Variants in THSD7A observed in about 807,000 individuals in gnomAD.
THSD7A encodes thrombospondin type 1 domain containing 7A, also known as thrombospondin type-1 domain-containing protein 7A.
THSD7A carries 96 observed loss-of-function variants against 231.3 expected under a neutral mutation model. The ratio of observed to expected loss-of-function variants is 0.41; its 90% CI spans 0.35 to 0.49. THSD7A has a LOEUF of 0.49. Among genes scored for constraint, THSD7A ranks in the 20% least tolerant of loss-of-function variants. The pLI is 0.05. For synonymous variants in THSD7A, 940 were observed against 743.3 expected (o/e 1.26, Z -4.30); for missense variants, 2,290 against 2,070.2 (o/e 1.11, Z -2.06).
intron 1 of THSD7A, among the ~76,000 whole-genome samples, chr7:11,646,169 C>T (rs1370383896): frequency 6.6e-6 from 1 of 151,908 alleles, no homozygotes; most frequent in Non-Finnish European, 1.5e-5. Flanking sequence ...TACTAATAGC[C>T]TCAATATCTA....
intron 1 of THSD7A, among the ~76,000 whole-genome samples, chr7:11,728,429 T>C (rs937594619): frequency 6.6e-6 from 1 of 151,938 alleles, no homozygotes; most frequent in African/African-American, 2.4e-5. Flanking sequence ...CAAACAAATA[T>C]ATGACTTGAA....
chr7:11,547,389 G>C (rs375344271), intron 4 of THSD7A, among the ~76,000 whole-genome samples: 12 of 152,266 alleles, frequency 7.9e-5, no homozygotes, highest in African/African-American at 2.9e-4. Context: ...CCAACTGTAC[G>C]CTATCTTAAG....
intron 1 of THSD7A, among the ~76,000 whole-genome samples, chr7:11,795,700 C>T (rs907886814): frequency 4.0e-5 from 6 of 151,710 alleles, no homozygotes; most frequent in African/African-American, 7.3e-5. Flanking sequence ...TGCTCCCTTA[C>T]GCTTCTGCTT....
intron 6 of THSD7A, among the ~76,000 whole-genome samples, chr7:11,530,991 A>G (rs1271665541): frequency 6.6e-6 from 1 of 152,200 alleles, no homozygotes; most frequent in Non-Finnish European, 1.5e-5. Flanking sequence ...AGCCTGGGTG[A>G]CAGACCAAGA....
At chr7:11,717,441 C>T (rs559811798) in intron 1 of THSD7A, among the ~76,000 whole-genome samples, 1 of 151,808 alleles carries the variant, frequency 6.6e-6, no homozygotes, top group South Asian at 2.1e-4. Flanking sequence ...CCTCACCACT[C>T]CTACCACCAC....
In THSD7A at chr7:11,426,686, A is replaced by C. The variant is rs1179933377; in HGVS notation, c.3244-15T>G. 2 of 1,560,566 alleles carry C rather than the reference A, an allele frequency of 1.3e-6. No individual in the cohort carries two copies. The highest frequency in any genetic ancestry group is 2.3e-5 in the East Asian group (1 of 43,386). The stretch of plus-strand genomic sequence containing the variant: ...CTTACCTGTGCCTGGAGTGGTGTTC[A>C]ACAGGAATGATGAAAAGGGAGAGAA... On this transcript the variant is annotated splice_polypyrimidine_tract_variant and intron_variant, in intron 14 of 27. Transcript: ENST00000423059.
At chr7:11,731,475 T>C (rs1170170049) in intron 1 of THSD7A, among the ~76,000 whole-genome samples, 1 of 151,670 alleles carries the variant, frequency 6.6e-6, no homozygotes, top group Admixed American at 6.6e-5. Context: ...TTCCATAATG[T>C]CTCAGAGTTA....
At chr7:11,542,140 T>G (rs910087078) in intron 5 of THSD7A, among the ~76,000 whole-genome samples, 1 of 152,174 alleles carries the variant, frequency 6.6e-6, no homozygotes, top group African/African-American at 2.4e-5. Flanking sequence ...AGAAACAATC[T>G]CTTTGAGGTT....
At chr7:11,629,088 C>A (rs564476706) in intron 2 of THSD7A, among the ~76,000 whole-genome samples, 49 of 152,266 alleles carry the variant, frequency 3.2e-4, no homozygotes, top group Non-Finnish European at 4.4e-5. Context: ...TAGAGAAATT[C>A]AGCCAGGAAC....
At chr7:11,504,782 G>T (rs1787476071) in intron 6 of THSD7A, among the ~76,000 whole-genome samples, 1 of 151,772 alleles carries the variant, frequency 6.6e-6, no homozygotes, top group Non-Finnish European at 1.5e-5. Context: ...TGATACATTT[G>T]CATGAACCAT....
intron 23 of THSD7A, among the ~76,000 whole-genome samples, chr7:11,394,449 C>A (rs1220045312): frequency 6.6e-6 from 1 of 152,092 alleles, no homozygotes; most frequent in African/African-American, 2.4e-5. Context: ...AAGGAGCAGG[C>A]CTTCGGAAAG....
chr7:11,710,603 G>A (rs1404459952), intron 1 of THSD7A, among the ~76,000 whole-genome samples: 1 of 150,826 alleles, frequency 6.6e-6, no homozygotes, highest in African/African-American at 2.4e-5. Context: ...AGCACTTCTT[G>A]AGTTCTAATG....
chr7:11,513,108 T>G (rs1787887813), intron 6 of THSD7A, among the ~76,000 whole-genome samples: 2 of 151,274 alleles, frequency 1.3e-5, no homozygotes, highest in South Asian at 2.1e-4. Context: ...AGCTGAGCTA[T>G]GAGGATGCAA....
At position 11,636,367 on chromosome 7, in the gene THSD7A, G is replaced by T; in HGVS notation, c.785C>A (p.Thr262Asn). 1.2e-6 allele frequency: 2 copies of T among 1,613,802 alleles called. No individual in the cohort carries two copies. Among genetic ancestry groups the T allele is most frequent in the Non-Finnish European group, 1.7e-6 (2 of 1,179,876 alleles). Residue 262 changes from threonine (T) to asparagine (N), a missense_variant, in exon 2 of 28, where the codon ACC becomes AAC. Thr to Asn is a moderately conservative substitution (Grantham distance 65, BLOSUM62 0). Transcript: ENST00000423059. The surrounding 1 kb of genome is among the most constrained non-coding windows in gnomAD (Gnocchi z 10.0). ...TTGTCGGGAGTGGGGCATTGAGCAGGTGCTCCAGGGCCCCACATGCAGGCT... is the reference window on the plus strand; with the variant it reads ...TTGTCGGGAGTGGGGCATTGAGCAGTTGCTCCAGGGCCCCACATGCAGGCT... ...RYSLHVGPWSTCSMPHSRQVR... is the reference protein window; with the variant it reads ...RYSLHVGPWSNCSMPHSRQVR...
At chr7:11,800,281 G>A (rs1274686395) in intron 1 of THSD7A, among the ~76,000 whole-genome samples, 2 of 152,166 alleles carry the variant, frequency 1.3e-5, no homozygotes, top group Non-Finnish European at 2.9e-5. Context: ...AGGCGCGGTG[G>A]CTCACACCTG....
chr7:11,535,093 T>C (rs1394699294), intron 6 of THSD7A, among the ~76,000 whole-genome samples: 1 of 152,154 alleles, frequency 6.6e-6, no homozygotes. Flanking sequence ...TAACATTCAG[T>C]GGGGAATTTG....
chr7:11,749,146 T>A (rs1782416480), intron 1 of THSD7A, among the ~76,000 whole-genome samples: 1 of 152,000 alleles, frequency 6.6e-6, no homozygotes, highest in South Asian at 2.1e-4. Flanking sequence ...CTTATTAATC[T>A]AAAAGCACTT....
intron 11 of THSD7A, among the ~76,000 whole-genome samples, chr7:11,460,273 T>A (rs1785455919): frequency 6.6e-6 from 1 of 152,164 alleles, no homozygotes; most frequent in African/African-American, 2.4e-5. Context: ...TGCACATATA[T>A]AATGCATATA....
At chr7:11,448,104 C>A (rs1481052978) in intron 11 of THSD7A, among the ~76,000 whole-genome samples, 1 of 152,082 alleles carries the variant, frequency 6.6e-6, no homozygotes, top group African/African-American at 2.4e-5. Context: ...ATCAACCTGG[C>A]ACTTAAAAAT....
Sources: gnomAD v4.1 joint callset for allele counts (sites outside exome capture counted in the v4.1 genomes callset) on GRCh38, gnomAD v4.1.1 for gene constraint, Gnocchi (gnomAD v3.1) non-coding constraint, MANE v1.5 for transcripts, NCBI Gene and HGNC (gene_info 2026-07-23, HGNC 2026-07-21) for gene names.